NFASC: variants seen among roughly 807,000 people sequenced by gnomAD.
NFASC encodes the protein neurofascin homolog.
In NFASC, 43 loss-of-function variants were observed where a neutral mutation model predicts 147.5. The ratio of observed to expected loss-of-function variants is 0.29; its 90% CI spans 0.23 to 0.38. The LOEUF (loss-of-function observed/expected upper bound fraction) is 0.38. Among genes scored for constraint, NFASC ranks in the 10% least tolerant of loss-of-function variants. NFASC has a pLI of 1.00. For missense variants in NFASC, 1,320 were observed against 1,689.0 expected, an observed-to-expected ratio of 0.78 and a Z score of 3.83; for synonymous variants, 622 against 665.5, an observed-to-expected ratio of 0.93 and a Z score of 1.01.
intron 2 of NFASC, among the ~76,000 whole-genome samples, chr1:204,923,978 G>A (rs978721360): frequency 5.9e-5 from 9 of 152,218 alleles, no homozygotes; most frequent in African/African-American, 2.2e-4. Context: ...TTTCTAATAA[G>A]AGGACCATAT....
At chr1:204,955,646 A>G (rs1310935857) in intron 7 of NFASC, among the ~76,000 whole-genome samples, 1 of 151,704 alleles carries the variant, frequency 6.6e-6, no homozygotes, top group Admixed American at 6.5e-5. Context: ...TTTCAATTTA[A>G]ATAAAAGCAG....
chr1:204,868,178 C>T (rs953251721), intron 1 of NFASC, among the ~76,000 whole-genome samples: 3 of 152,250 alleles, frequency 2.0e-5, no homozygotes, highest in African/African-American at 7.2e-5. Flanking sequence ...AGCTGGACGG[C>T]CTCTGGCCTG....
chr1:204,874,502 C>T (rs1170501267), intron 1 of NFASC, among the ~76,000 whole-genome samples: 1 of 152,232 alleles, frequency 6.6e-6, no homozygotes, highest in Non-Finnish European at 1.5e-5. Context: ...TCCACCCGCT[C>T]TGCCCTGTGA....
rs1208625447 is a variant in NFASC, at chr1:205,012,863, A to G, written c.3488A>G (p.Tyr1163Cys). ...AAGGAAGAGGATGGCTCATTTGACT[A>G]TAGGTGCGTGATCTCCCTCCTCCTC... ...DPKEEDGSFD[Y>C]SDEDNKPLQG... Residue 1163 changes from tyrosine (Y) to cysteine (C), a missense_variant, in exon 29 of 30, where the codon TAT becomes TGT. Around this residue, in one of 3 missense-constraint regions of NFASC, gnomAD observed 167 missense variants for 233.8 expected, o/e 0.71. Coordinates refer to ENST00000339876, the MANE Select transcript of NFASC (RefSeq NM_001005388.3). The G allele has an allele frequency of 8.1e-6, 13 of 1,610,426 alleles. No individual in the cohort carries two copies. Among genetic ancestry groups the G allele is most frequent in the African/African-American group, 1.3e-5 (1 of 74,836 alleles).
chr1:204,828,680 G>A lies in NFASC; in HGVS notation c.-302G>A. On this transcript the variant is annotated 5_prime_UTR_variant, in exon 1 of 30. Transcript: ENST00000339876. ...CACGGGCTGGTCTCTGCCCTAATGCGGCGGCTGGCGGCGAGAGGCGCTGCA... is the reference window on the plus strand; with the variant it reads ...CACGGGCTGGTCTCTGCCCTAATGCAGCGGCTGGCGGCGAGAGGCGCTGCA... The A allele has an allele frequency of 7.1e-6, 7 of 985,434 alleles. No individual in the cohort carries two copies. The highest frequency in any genetic ancestry group is 8.4e-6 in the Non-Finnish European group (7 of 830,048). The allele number at this position is 985,434 out of a possible 1,614,324, so 61.0% of individuals were successfully genotyped here.
At chr1:204,913,008 A>G (rs547902688) in intron 1 of NFASC, among the ~76,000 whole-genome samples, 1 of 152,364 alleles carries the variant, frequency 6.6e-6, no homozygotes, top group East Asian at 1.9e-4. Context: ...AATCTGAATG[A>G]CAGAGCAAGA....
At chr1:204,944,148 C>T (rs1262946957) in intron 2 of NFASC, 78 bp from the exon 3 acceptor site, 1 of 1,356,834 alleles carries the variant, frequency 7.4e-7, no homozygotes, top group Non-Finnish European at 1.0e-6. Flanking sequence ...CTCTTCGGTC[C>T]TCCAAAGCCC....
At chr1:204,870,833 C>A (rs764341800) in intron 1 of NFASC, 133 of 1,180,272 alleles carry the variant, frequency 1.1e-4, no homozygotes, top group Non-Finnish European at 7.2e-5. Flanking sequence ...ATGGGGGTGA[C>A]AAGGAGCAGG....
At chr1:204,837,704 C>T (rs966912345) in intron 1 of NFASC, among the ~76,000 whole-genome samples, 1 of 152,118 alleles carries the variant, frequency 6.6e-6, no homozygotes, top group Admixed American at 6.6e-5. Flanking sequence ...ATATTTTTCT[C>T]TTCAGTGATG....
At chr1:204,983,277 G>A (rs535033664) in intron 21 of NFASC, among the ~76,000 whole-genome samples, 3 of 152,216 alleles carry the variant, frequency 2.0e-5, no homozygotes, top group South Asian at 2.1e-4. Context: ...CCAGGTAGTC[G>A]CAGGGTCAGA....
intron 2 of NFASC, chr1:204,929,272 C>G (rs932698614): frequency 2.0e-5 from 3 of 152,440 alleles, no homozygotes; most frequent in Admixed American, 6.5e-5. Context: ...GATCTCTGCC[C>G]CTGACAATGA....
At chr1:204,865,153 C>A (rs11588301) in intron 1 of NFASC, among the ~76,000 whole-genome samples, 58 of 152,128 alleles carry the variant, frequency 3.8e-4, no homozygotes, top group Non-Finnish European at 5.3e-4. Flanking sequence ...ATTTCAAGAT[C>A]CCCAGTGGTT....
intron 1 of NFASC, among the ~76,000 whole-genome samples, chr1:204,856,838 C>T (rs767439679): frequency 3.3e-5 from 5 of 152,226 alleles, no homozygotes; most frequent in African/African-American, 4.8e-5. Context: ...ATCCACATTG[C>T]GGCATGCATC....
At chr1:204,874,407 C>T (rs901437936) in intron 1 of NFASC, among the ~76,000 whole-genome samples, 31 of 152,362 alleles carry the variant, frequency 2.0e-4, no homozygotes, top group African/African-American at 7.2e-4. Flanking sequence ...CTGGTGTACG[C>T]CAGGCTTCTG....
At chr1:205,009,468 G>T in intron 27 of NFASC, 89 bp from the exon 28 acceptor site, 2 of 1,396,730 alleles carry the variant, frequency 1.4e-6, no homozygotes, top group South Asian at 1.2e-5. Context: ...ACATCCACAT[G>T]AGATAGCTGA....
intron 12 of NFASC, 128 bp downstream of exon 12, chr1:204,973,547 T>G (rs900634489): frequency 1.7e-6 from 2 of 1,187,566 alleles, no homozygotes; most frequent in Non-Finnish European, 2.3e-6. Flanking sequence ...GGTAAGAGGA[T>G]GTTGGATAGG....
chr1:204,981,759 C>G (rs1345717606), intron 20 of NFASC, 39 bp from the exon 21 acceptor site: 1 of 1,389,046 alleles, frequency 7.2e-7, no homozygotes, highest in Non-Finnish European at 9.8e-7. Flanking sequence ...CTGGGCCCCT[C>G]TCTGGCAGCC....
intron 1 of NFASC, among the ~76,000 whole-genome samples, chr1:204,831,934 T>C (rs1672320287): frequency 6.6e-6 from 1 of 152,166 alleles, no homozygotes. Context: ...AGCATCCGGA[T>C]AGGGATGTTA....
chr1:204,976,601 G>C, intron 15 of NFASC, 70 bp from the exon 16 acceptor site: 1 of 1,208,224 alleles, frequency 8.3e-7, no homozygotes, highest in Non-Finnish European at 1.2e-6. Context: ...CCCCTCTAGG[G>C]AGAAAGCAAT....
Sources: allele counts gnomAD v4.1 joint callset (sites outside exome capture counted in the v4.1 genomes callset), GRCh38; gene constraint gnomAD v4.1.1; regional missense constraint gnomAD v4.1.1; transcripts MANE v1.5; gene names NCBI Gene and HGNC (gene_info 2026-07-23, HGNC 2026-07-21).